MEF2A: variants seen among roughly 807,000 people sequenced by gnomAD.
MEF2A encodes myocyte enhancer factor 2A, also known as myocyte-specific enhancer factor 2A.
Under a neutral mutation model 55.8 loss-of-function variants are expected in MEF2A, and 28 were observed. The ratio of observed to expected loss-of-function variants is 0.50; its 90% CI spans 0.37 to 0.69. The LOEUF is 0.69. MEF2A is among the 30% of genes least tolerant of loss of function. The pLI, the probability that MEF2A is intolerant of heterozygous loss-of-function variation, is 0.00. For synonymous variants in MEF2A, 239 were observed against 227.1 expected (o/e 1.05, Z -0.47); for missense variants, 528 against 626.2 (o/e 0.84, Z 1.67).
chr15:99,614,929 A>G (rs535721428), intron 2 of MEF2A, among the ~76,000 whole-genome samples: 1 of 152,314 alleles, frequency 6.6e-6, no homozygotes, highest in Non-Finnish European at 1.5e-5. Flanking sequence ...GAGGAGTGAC[A>G]GGATAAGGCA....
intron 4 of MEF2A, among the ~76,000 whole-genome samples, chr15:99,662,972 G>A (rs765933542): frequency 2.6e-5 from 4 of 152,130 alleles, no homozygotes; most frequent in Non-Finnish European, 4.4e-5. Flanking sequence ...TAAAAACCAT[G>A]CATTTATACC....
intron 8 of MEF2A, among the ~76,000 whole-genome samples, chr15:99,701,752 A>C (rs8042600): frequency 0.033 from 5,080 of 152,306 alleles, 304 homozygotes; most frequent in African/African-American, 0.11. Flanking sequence ...ATACACCCCA[A>C]AAGGGAGCCA....
At chr15:99,663,731 T>G (rs1170667931) in intron 4 of MEF2A, among the ~76,000 whole-genome samples, 2 of 152,154 alleles carry the variant, frequency 1.3e-5, no homozygotes, top group Non-Finnish European at 2.9e-5. Context: ...GAAATAAATT[T>G]TTGTAAGTTT....
chr15:99,698,597 A>C (rs948633631), intron 8 of MEF2A, among the ~76,000 whole-genome samples: 1 of 152,134 alleles, frequency 6.6e-6, no homozygotes, highest in Non-Finnish European at 1.5e-5. Flanking sequence ...GTTCGAGACC[A>C]GCCTGATCAA....
At chr15:99,569,213 G>A (rs528011646) in intron 1 of MEF2A, among the ~76,000 whole-genome samples, 1 of 152,324 alleles carries the variant, frequency 6.6e-6, no homozygotes, top group African/African-American at 2.4e-5. Context: ...TACCTGCCCC[G>A]TGTTGGAATT....
At chr15:99,698,077 TTAAC>T (rs1259648254) in intron 8 of MEF2A, among the ~76,000 whole-genome samples, 1 of 152,130 alleles carries the variant, frequency 6.6e-6, no homozygotes, top group Middle Eastern at 3.4e-3. Flanking sequence ...TATTAAAAAA[TTAAC>T]TAAAATTGGA....
At chr15:99,654,433 A>G (rs1018747568) in intron 4 of MEF2A, among the ~76,000 whole-genome samples, 18 of 152,116 alleles carry the variant, frequency 1.2e-4, no homozygotes, top group Non-Finnish European at 2.1e-4. Context: ...TGTATGTGAA[A>G]GCATTTTGAG....
In MEF2A at chr15:99,698,804, C is replaced by A. The variant is rs1369965038; in HGVS notation, c.859-4558C>A. On this transcript the variant is annotated intron_variant, in intron 8 of 11. Transcript: ENST00000557942. ...TGAAACTCTGTCTCAAAAAAAAAAACAAAAACGCAAAAACTAGAAATGCTG... is the reference window on the plus strand; with the variant it reads ...TGAAACTCTGTCTCAAAAAAAAAAAAAAAAACGCAAAAACTAGAAATGCTG... 2.7e-5 allele frequency among the ~76,000 whole-genome samples: 4 copies of A among 148,586 alleles called. No homozygotes were observed. In the South Asian group the frequency reaches 6.4e-4, roughly 24 times the overall value.
intron 8 of MEF2A, among the ~76,000 whole-genome samples, chr15:99,696,048 C>G (rs760608051): frequency 6.6e-6 from 1 of 152,128 alleles, no homozygotes; most frequent in Non-Finnish European, 1.5e-5. Context: ...GTGACATAGT[C>G]CACTTTCCAA....
At chr15:99,629,285 C>T (rs533490948) in intron 2 of MEF2A, among the ~76,000 whole-genome samples, 5 of 152,190 alleles carry the variant, frequency 3.3e-5, no homozygotes, top group South Asian at 2.1e-4. Flanking sequence ...ATTGAACACT[C>T]GAACAAAGGA....
intron 4 of MEF2A, among the ~76,000 whole-genome samples, chr15:99,669,495 C>T (rs1365879719): frequency 3.3e-5 from 5 of 152,150 alleles, no homozygotes; most frequent in Non-Finnish European, 7.3e-5. Flanking sequence ...CTTTAGTGCT[C>T]CCAACAACAG....
chr15:99,629,705 T>G (rs746900191), intron 2 of MEF2A, among the ~76,000 whole-genome samples: 48 of 152,030 alleles, frequency 3.2e-4, no homozygotes, highest in Non-Finnish European at 6.3e-4. Context: ...GAATAAAAGA[T>G]TGATCATGTT....
At chr15:99,565,727 T>A (rs777070040), upstream of MEF2A, 8 of 152,354 alleles carry the variant, frequency 5.3e-5, no homozygotes, top group Non-Finnish European at 1.2e-4. Flanking sequence ...CCTTGTGGAA[T>A]AGCGCCCGCT....
chr15:99,595,777 A>G (rs550823855), intron 1 of MEF2A, among the ~76,000 whole-genome samples: 1 of 152,328 alleles, frequency 6.6e-6, no homozygotes, highest in South Asian at 2.1e-4. Context: ...TGTACGTTTG[A>G]TCTATATAAG....
intron 2 of MEF2A, among the ~76,000 whole-genome samples, chr15:99,614,259 ACTT>A (rs1429128234): frequency 1.3e-5 from 2 of 152,160 alleles, no homozygotes; most frequent in Non-Finnish European, 2.9e-5. Flanking sequence ...GTGAAGAATA[ACTT>A]CTTTTTTTTT....
intron 8 of MEF2A, among the ~76,000 whole-genome samples, chr15:99,700,222 G>T (rs1216176291): frequency 8.9e-6 from 1 of 112,948 alleles, no homozygotes; most frequent in African/African-American, 2.9e-5. Context: ...ACATATGTAC[G>T]TATGTGTCTG....
At chr15:99,614,654 T>C (rs547877734) in intron 2 of MEF2A, among the ~76,000 whole-genome samples, 1 of 152,204 alleles carries the variant, frequency 6.6e-6, no homozygotes, top group East Asian at 1.9e-4. Context: ...GTTAGGAAAG[T>C]GCATTAGAAA....
At chr15:99,655,926 C>T (rs2047642717) in intron 4 of MEF2A, among the ~76,000 whole-genome samples, 1 of 151,998 alleles carries the variant, frequency 6.6e-6, no homozygotes, top group Non-Finnish European at 1.5e-5. Flanking sequence ...AAGCCGCGTC[C>T]AAATTGAGCA....
At chr15:99,624,553 G>T (rs955204022) in intron 2 of MEF2A, among the ~76,000 whole-genome samples, 1 of 152,156 alleles carries the variant, frequency 6.6e-6, no homozygotes, top group East Asian at 1.9e-4. Context: ...CTTTATGCCA[G>T]TACCACACTG....
Sources: gnomAD v4.1 joint callset for allele counts (sites outside exome capture counted in the v4.1 genomes callset) on GRCh38, gnomAD v4.1.1 for gene constraint, MANE v1.5 for transcripts, NCBI Gene and HGNC (gene_info 2026-07-23, HGNC 2026-07-21) for gene names.